Variants in PPP4R2 observed in about 807,000 individuals in gnomAD.
PPP4R2 encodes serine/threonine-protein phosphatase 4 regulatory subunit 2.
In PPP4R2, 13 loss-of-function variants were observed where a neutral mutation model predicts 47.2. The ratio of observed to expected loss-of-function variants is 0.28; its 90% CI spans 0.18 to 0.44. The LOEUF (loss-of-function observed/expected upper bound fraction) is 0.44, where lower values mean the gene tolerates loss of function less well. Ranked by LOEUF, PPP4R2 falls within the 20% of genes least tolerant of loss-of-function variation. The pLI is 1.00. For missense variants in PPP4R2, 421 were observed against 491.2 expected, an observed-to-expected ratio of 0.86 and a Z score of 1.35; for synonymous variants, 151 against 163.3, an observed-to-expected ratio of 0.92 and a Z score of 0.57.
rs146706411 is a variant in PPP4R2 at position 73,068,854 on chromosome 3, C to T, written c.*3132C>T. ...ATGGTAAGGATGAAAATGCAACTTACAAAACCAAAGGAATTAAAAATTTTC... is the reference window on the plus strand; with the variant it reads ...ATGGTAAGGATGAAAATGCAACTTATAAAACCAAAGGAATTAAAAATTTTC... On this transcript the variant is annotated 3_prime_UTR_variant, in exon 9 of 9. Coordinates refer to ENST00000356692, the MANE Select transcript of PPP4R2 (RefSeq NM_174907.4). 3 of 152,114 alleles carry T rather than the reference C, an allele frequency of 2.0e-5. No homozygotes were observed. The highest frequency in any genetic ancestry group is 6.5e-5 in the Admixed American group (1 of 15,280). The allele number at this position is 152,114 out of a possible 1,614,324, so 9.4% of individuals were successfully genotyped here.
intron 2 of PPP4R2, among the ~76,000 whole-genome samples, chr3:73,046,626 G>T (rs892465921): frequency 6.6e-6 from 1 of 152,134 alleles, no homozygotes; most frequent in South Asian, 2.1e-4. Context: ...GATAGAACCT[G>T]TGATTATGTG....
intron 2 of PPP4R2, among the ~76,000 whole-genome samples, chr3:73,045,147 C>T (rs1702456265): frequency 6.6e-6 from 1 of 152,070 alleles, no homozygotes; most frequent in Admixed American, 6.6e-5. Context: ...GTGCATACCA[C>T]CATGCCTAAT....
chr3:73,035,646 A>G (rs1390816948), intron 2 of PPP4R2, among the ~76,000 whole-genome samples: 1 of 151,712 alleles, frequency 6.6e-6, no homozygotes, highest in Non-Finnish European at 1.5e-5. Context: ...CATTTTTGAG[A>G]TGGAGTTTCG....
chr3:73,029,050 G>A (rs1702122226), intron 2 of PPP4R2, among the ~76,000 whole-genome samples: 1 of 152,178 alleles, frequency 6.6e-6, no homozygotes, highest in Admixed American at 6.5e-5. Context: ...GGCTCAAGCA[G>A]TCCTCCTTCC....
chr3:73,043,492 A>G (rs1402301842), intron 2 of PPP4R2, among the ~76,000 whole-genome samples: 2 of 152,154 alleles, frequency 1.3e-5, no homozygotes, highest in African/African-American at 4.8e-5. Flanking sequence ...ACAAATCTGC[A>G]TTTACCTTTC....
Position 73,049,523 on chromosome 3 carries a change from G to A in PPP4R2, c.287+2167G>A, listed in dbSNP as rs74979908. On this transcript the variant is annotated intron_variant, in intron 3 of 8. Transcript: ENST00000356692. ...CAAAAAAAAAGAGAATACTTCTCGG[G>A]GTTATTTATAAATTGTACATATATA... Among the ~76,000 whole-genome samples the A allele has an allele frequency of 4.6e-4, 70 of 151,902 alleles. 1 individual carries two copies. The East Asian group carries it at 0.012, about 25-fold the overall frequency.
chr3:73,035,732 C>T (rs1193448844), intron 2 of PPP4R2, among the ~76,000 whole-genome samples: 1 of 151,962 alleles, frequency 6.6e-6, no homozygotes, highest in Non-Finnish European at 1.5e-5. Flanking sequence ...TCAAGTGATT[C>T]TCCTGCTTCG....
intron 2 of PPP4R2, among the ~76,000 whole-genome samples, chr3:73,036,965 G>C (rs190958359): frequency 3.9e-5 from 6 of 152,144 alleles, no homozygotes. Flanking sequence ...ACCACTTGTG[G>C]CAGTGCTAAC....
At chr3:73,032,518 A>AC (rs1307960800) in intron 2 of PPP4R2, among the ~76,000 whole-genome samples, 2 of 152,048 alleles carry the variant, frequency 1.3e-5, no homozygotes, top group Admixed American at 1.3e-4. Context: ...TGATTTCCTG[A>AC]CCTTGTGATC....
intron 3 of PPP4R2, among the ~76,000 whole-genome samples, chr3:73,055,119 A>G (rs1214673288): frequency 6.6e-6 from 1 of 152,134 alleles, no homozygotes; most frequent in African/African-American, 2.4e-5. Flanking sequence ...TAAAGGGAGT[A>G]TTTTTAAAGA....
At chr3:73,022,243 T>G (rs940876769) in intron 2 of PPP4R2, among the ~76,000 whole-genome samples, 9 of 152,206 alleles carry the variant, frequency 5.9e-5, no homozygotes, top group African/African-American at 1.9e-4. Context: ...CATTGGCCTG[T>G]ACAAAATACA....
Position 73,023,425 on chromosome 3 carries a change from A to G in PPP4R2, c.117-23761A>G, listed in dbSNP as rs540902468. On this transcript the variant is annotated intron_variant, in intron 2 of 8. Transcript: ENST00000356692. ...GGCCTGGAACTGCTGACCTCAGGTG[A>G]TCCACCCGCCTTGGCCTCACAAAGT... 8.5e-5 allele frequency among the ~76,000 whole-genome samples: 13 copies of G among 152,252 alleles called. No individual in the cohort carries two copies. In the East Asian group the frequency reaches 2.1e-3, roughly 25 times the overall value.
At chr3:73,033,329 T>C (rs1443914369) in intron 2 of PPP4R2, among the ~76,000 whole-genome samples, 3 of 152,214 alleles carry the variant, frequency 2.0e-5, no homozygotes, top group Non-Finnish European at 2.9e-5. Flanking sequence ...GTATGTGACC[T>C]GGTTTATGTC....
At chr3:73,006,552 C>T (rs895208247) in intron 2 of PPP4R2, among the ~76,000 whole-genome samples, 6 of 152,144 alleles carry the variant, frequency 3.9e-5, no homozygotes, top group East Asian at 3.8e-4. Context: ...TTTAAGAACA[C>T]GGCAGTTTGC....
At chr3:72,997,325 C>T (rs998276190) in intron 1 of PPP4R2, 3 of 386,556 alleles carry the variant, frequency 7.8e-6, no homozygotes, top group East Asian at 3.8e-5. Flanking sequence ...GCGGGGGCCC[C>T]AGTCTTTCTC....
At chr3:73,042,144 G>C (rs1702391731) in intron 2 of PPP4R2, among the ~76,000 whole-genome samples, 1 of 152,084 alleles carries the variant, frequency 6.6e-6, no homozygotes, top group South Asian at 2.1e-4. Flanking sequence ...TTTTATTGGA[G>C]GGGATTTTAT....
intron 2 of PPP4R2, among the ~76,000 whole-genome samples, chr3:73,023,330 G>A (rs978448109): frequency 2.0e-5 from 3 of 151,974 alleles, no homozygotes; most frequent in Non-Finnish European, 2.9e-5. Flanking sequence ...CAGATTACGG[G>A]CATGCGCCAC....
At chr3:73,062,764 C>G in intron 5 of PPP4R2, 1 of 1,613,940 alleles carries the variant, frequency 6.2e-7, no homozygotes. Flanking sequence ...GGTGAGAGTG[C>G]TGATCTGCTA....
At chr3:73,021,808 T>G (rs536059463) in intron 2 of PPP4R2, among the ~76,000 whole-genome samples, 2 of 151,970 alleles carry the variant, frequency 1.3e-5, no homozygotes, top group African/African-American at 4.8e-5. Flanking sequence ...CTGGTAGTAA[T>G]TTTAAAAATT....
Sources: gnomAD v4.1 joint callset for allele counts (sites outside exome capture counted in the v4.1 genomes callset) on GRCh38, gnomAD v4.1.1 for gene constraint, MANE v1.5 for transcripts, NCBI Gene and HGNC (gene_info 2026-07-23, HGNC 2026-07-21) for gene names.